Variants in ACSF2 observed in about 807,000 individuals in gnomAD.
The protein encoded by ACSF2 is acyl-CoA synthetase family member 2.
ACSF2 carries 52 observed loss-of-function variants against 79.3 expected under a neutral mutation model. The ratio of observed to expected loss-of-function variants is 0.66; its 90% CI spans 0.53 to 0.83. The LOEUF is 0.83. ACSF2 is among the 40% of genes least tolerant of loss of function. The pLI is 0.00. For synonymous variants in ACSF2, 283 were observed against 312.6 expected, an observed-to-expected ratio of 0.91 and a Z score of 1.00; for missense variants, 661 against 803.3, an observed-to-expected ratio of 0.82 and a Z score of 2.14.
intron 1 of ACSF2, among the ~76,000 whole-genome samples, chr17:50,430,306 A>G (rs905815169): frequency 6.6e-6 from 1 of 152,200 alleles, no homozygotes; most frequent in East Asian, 1.9e-4. Flanking sequence ...GCAGACTGCA[A>G]CCGGGAGCAT....
intron 10 of ACSF2, among the ~76,000 whole-genome samples, chr17:50,467,077 C>G (rs2096160411): frequency 6.6e-6 from 1 of 152,210 alleles, no homozygotes; most frequent in Non-Finnish European, 1.5e-5. Context: ...CTTGTTGGTT[C>G]CCCACCCAAA....
In ACSF2 at chr17:50,426,327, G is replaced by A; in HGVS notation, c.66G>A (p.Gly22=). 1 of 1,421,424 alleles carries A rather than the reference G, an allele frequency of 7.0e-7. No individual in the cohort carries two copies. The highest frequency in any genetic ancestry group is 9.3e-7 in the Non-Finnish European group (1 of 1,080,866). The allele number at this position is 1,421,424 out of a possible 1,614,324, so 88.1% of individuals were successfully genotyped here. ...RLCAGSSGVL[G]ARAALSRSWQ... Reference sequence around the variant, plus strand: ...GCGCCGGGAGCTCGGGGGTGCTGGGGGCCCGGGCCGCCCTCTCTCGGAGTT... The same window carrying A: ...GCGCCGGGAGCTCGGGGGTGCTGGGAGCCCGGGCCGCCCTCTCTCGGAGTT... Residue 22 remains glycine (G), a synonymous_variant, in exon 1 of 16, where the codon GGG becomes GGA. Coordinates refer to ENST00000300441, the MANE Select transcript of ACSF2 (RefSeq NM_025149.6).
chr17:50,439,836 G>T (rs1275915289), intron 1 of ACSF2, among the ~76,000 whole-genome samples: 1 of 152,166 alleles, frequency 6.6e-6, no homozygotes, highest in Non-Finnish European at 1.5e-5. Context: ...TCTGGTGGGG[G>T]TGAAAGAGTA....
chr17:50,464,386 C>G, intron 10 of ACSF2, 92 bp downstream of exon 10: 1 of 1,288,058 alleles, frequency 7.8e-7, no homozygotes, highest in Non-Finnish European at 1.1e-6. Flanking sequence ...GCCAGATGTT[C>G]AAAGGAGACC....
chr17:50,473,560 G>A (rs1598439845), intron 12 of ACSF2, 105 bp from the exon 13 acceptor site: 3 of 1,480,778 alleles, frequency 2.0e-6, no homozygotes, highest in Non-Finnish European at 2.8e-6. Flanking sequence ...AGAGTCTAGA[G>A]CAGTGGAAGA....
intron 1 of ACSF2, chr17:50,426,854 G>A: frequency 6.6e-7 from 1 of 1,519,470 alleles, no homozygotes; most frequent in Middle Eastern, 1.7e-4. Flanking sequence ...TCACTAACAT[G>A]GCTTTAATTC....
At position 50,474,475 on chromosome 17, in the gene ACSF2, AC is replaced by A. The variant is rs748276879; in HGVS notation, c.1798-24del. 14 of 1,612,724 alleles carry A rather than the reference AC, an allele frequency of 8.7e-6. No individual in the cohort carries two copies. The highest frequency in any genetic ancestry group is 1.2e-5 in the Non-Finnish European group (14 of 1,178,804). Reference sequence around the variant, plus strand: ...CTTGGGTGAACCAAGACAGCTGGTAACCCTAACTCCATTTTCTTTCCTCTAG... The same window carrying A: ...CTTGGGTGAACCAAGACAGCTGGTAACCTAACTCCATTTTCTTTCCTCTAG... On this transcript the variant is annotated intron_variant, in intron 15 of 15. Transcript: ENST00000300441. This position sits in a 1 kb window ranked among gnomAD's most constrained non-coding sequence, Gnocchi z 4.2.
rs544654119 is a variant in ACSF2, at chr17:50,471,233, G to C, written c.1323+98G>C. 493 of 971,160 alleles carry C rather than the reference G, an allele frequency of 5.1e-4. 2 individuals are homozygous for C. The highest frequency in any genetic ancestry group is 3.1e-4 in the Non-Finnish European group (189 of 615,500). The allele number at this position is 971,160 out of a possible 1,614,324, so 60.2% of individuals were successfully genotyped here. ...GTTGCTTTCAGTGAGAGAGTCAAAT[G>C]GCTCACTCAGGATGCCTAGAGCCCC... is the stretch of plus-strand genomic sequence containing the variant. On this transcript the variant is annotated intron_variant, in intron 11 of 15. Transcript: ENST00000300441. This position sits in a 1 kb window ranked among gnomAD's most constrained non-coding sequence, Gnocchi z 4.1.
intron 1 of ACSF2, among the ~76,000 whole-genome samples, chr17:50,436,171 C>A (rs1007948366): frequency 7.2e-5 from 11 of 151,752 alleles, no homozygotes; most frequent in African/African-American, 2.4e-4. Flanking sequence ...GCTCTGTTGC[C>A]CAGGCTGGAG....
intron 12 of ACSF2, 108 bp from the exon 13 acceptor site, chr17:50,473,557 A>G: frequency 2.0e-6 from 3 of 1,465,346 alleles, no homozygotes; most frequent in Non-Finnish European, 2.8e-6. Flanking sequence ...CCCAGAGTCT[A>G]GAGCAGTGGA....
intron 1 of ACSF2, among the ~76,000 whole-genome samples, chr17:50,434,114 G>C (rs1455730183): frequency 6.6e-6 from 1 of 151,334 alleles, no homozygotes. Flanking sequence ...AGAAGTTTGA[G>C]ACCAGCCTGG....
At chr17:50,433,699 G>T (rs1054968472) in intron 1 of ACSF2, among the ~76,000 whole-genome samples, 2 of 152,024 alleles carry the variant, frequency 1.3e-5, no homozygotes, top group African/African-American at 4.8e-5. Flanking sequence ...GCTCACTGTA[G>T]CCTTGACCTC....
chr17:50,465,260 A>C, intron 10 of ACSF2: 1 of 1,612,704 alleles, frequency 6.2e-7, no homozygotes, highest in Non-Finnish European at 8.5e-7. Context: ...ATCACCAAAG[A>C]GGGACATAGG....
chr17:50,441,955 T>G (rs2030950219), intron 1 of ACSF2, among the ~76,000 whole-genome samples: 1 of 152,056 alleles, frequency 6.6e-6, no homozygotes, highest in African/African-American at 2.4e-5. Flanking sequence ...TTGTCCCACC[T>G]TAGCCTCCCA....
intron 1 of ACSF2, among the ~76,000 whole-genome samples, chr17:50,445,173 C>T (rs995872440): frequency 6.6e-6 from 1 of 152,198 alleles, no homozygotes; most frequent in African/African-American, 2.4e-5. Flanking sequence ...CCTCACCCTC[C>T]CAAAGTGTTG....
rs369262536 is a variant in ACSF2 at position 50,468,454 on chromosome 17, G to T, written c.1216-2574G>T. On this transcript the variant is annotated intron_variant, in intron 10 of 15. Coordinates refer to ENST00000300441, the MANE Select transcript of ACSF2 (RefSeq NM_025149.6). ...AGAGGTAGGTCAGCTCGGTCAGGTC[G>T]TCGAAGGCACCTGCGCGCAGCACGC... is the stretch of plus-strand genomic sequence containing the variant. 125 of 1,614,050 alleles carry T rather than the reference G, an allele frequency of 7.7e-5. No homozygotes were observed. The African/African-American group carries it at 1.5e-3, about 20-fold the overall frequency.
At chr17:50,440,140 G>T (rs919878853) in intron 1 of ACSF2, among the ~76,000 whole-genome samples, 1 of 148,794 alleles carries the variant, frequency 6.7e-6, no homozygotes, top group African/African-American at 2.6e-5. Flanking sequence ...GGGGGGTAAG[G>T]AGCAGAGGCC....
At chr17:50,443,242 T>C (rs1017835296) in intron 1 of ACSF2, among the ~76,000 whole-genome samples, 9 of 152,232 alleles carry the variant, frequency 5.9e-5, no homozygotes, top group Non-Finnish European at 1.0e-4. Flanking sequence ...GTTGTTGTTG[T>C]TTTTTAGAAT....
chr17:50,433,564 G>A (rs971475542), intron 1 of ACSF2, among the ~76,000 whole-genome samples: 2 of 152,078 alleles, frequency 1.3e-5, no homozygotes, highest in African/African-American at 4.8e-5. Context: ...CTGATTCCTA[G>A]GCACTCTTCT....
Sources: allele counts gnomAD v4.1 joint callset (sites outside exome capture counted in the v4.1 genomes callset), GRCh38; gene constraint gnomAD v4.1.1; non-coding constraint Gnocchi (gnomAD v3.1); transcripts MANE v1.5; gene names NCBI Gene and HGNC (gene_info 2026-07-23, HGNC 2026-07-21).